The following TMCC3 variants were observed in gnomAD, a reference collection of about 807,000 sequenced individuals.
TMCC3 encodes the protein transmembrane and coiled-coil domain protein 3.
TMCC3 carries 28 observed loss-of-function variants against 40.2 expected under a neutral mutation model. That is an observed-to-expected ratio of 0.70 (90% CI 0.52 to 0.95). The LOEUF (loss-of-function observed/expected upper bound fraction) is 0.95, where lower values mean the gene tolerates loss of function less well. Among genes scored for constraint, TMCC3 ranks in the 40% least tolerant of loss-of-function variants. The probability of loss-of-function intolerance (pLI) is 0.00; values close to 1 mark genes in which losing one functional copy is unlikely to be tolerated. For synonymous variants in TMCC3, 255 were observed against 248.5 expected (o/e 1.03, Z -0.25); for missense variants, 554 against 615.2 (o/e 0.90, Z 1.05).
intron 1 of TMCC3, among the ~76,000 whole-genome samples, chr12:94,603,819 TGCAGGA>T (rs1215825802): frequency 6.6e-6 from 1 of 152,114 alleles, no homozygotes; most frequent in Non-Finnish European, 1.5e-5. Flanking sequence ...ATAACAAAAA[TGCAGGA>T]GCTGTCAAAA....
In TMCC3 at chr12:94,648,324, T is replaced by C. The variant is rs2069032095; in HGVS notation, c.78+2029A>G. On this transcript the variant is annotated intron_variant, in intron 1 of 3. Coordinates refer to ENST00000261226, the MANE Select transcript of TMCC3 (RefSeq NM_020698.4). ...TTCACTGCAACCTCCGCCTCCCGGG[T>C]TCAAGTGATTCTCCGCCTCACCCTC... 2.6e-5 allele frequency among the ~76,000 whole-genome samples: 4 copies of C among 152,152 alleles called. No homozygotes were observed. In the South Asian group the frequency reaches 8.3e-4, roughly 32 times the overall value.
intron 1 of TMCC3, among the ~76,000 whole-genome samples, chr12:94,624,385 T>A (rs1356776083): frequency 6.6e-6 from 1 of 152,146 alleles, no homozygotes; most frequent in Non-Finnish European, 1.5e-5. Flanking sequence ...AACCCAAATG[T>A]CCACCAAATG....
chr12:94,643,091 C>T (rs1213048224), intron 1 of TMCC3, among the ~76,000 whole-genome samples: 1 of 152,034 alleles, frequency 6.6e-6, no homozygotes, highest in East Asian at 1.9e-4. Flanking sequence ...ACTCGGGAGG[C>T]TGAGACAGGG....
intron 1 of TMCC3, among the ~76,000 whole-genome samples, chr12:94,648,487 A>C (rs1294838312): frequency 6.6e-6 from 1 of 152,140 alleles, no homozygotes; most frequent in Admixed American, 6.5e-5. Context: ...GGCCTCTCAA[A>C]GTGGTGGGAT....
intron 1 of TMCC3, among the ~76,000 whole-genome samples, chr12:94,627,280 T>C (rs1215318538): frequency 6.6e-6 from 1 of 152,128 alleles, no homozygotes; most frequent in African/African-American, 2.4e-5. Flanking sequence ...CCATGCTGCT[T>C]CCTCACTTCA....
intron 1 of TMCC3, among the ~76,000 whole-genome samples, chr12:94,601,160 T>C (rs1179322420): frequency 1.3e-5 from 2 of 152,244 alleles, no homozygotes; most frequent in African/African-American, 2.4e-5. Context: ...TTAGAAATTA[T>C]AATTACCTTT....
chr12:94,591,259 A>G (rs1230735087), intron 1 of TMCC3, among the ~76,000 whole-genome samples: 1 of 152,210 alleles, frequency 6.6e-6, no homozygotes, highest in Non-Finnish European at 1.5e-5. Flanking sequence ...CACTCCTGAA[A>G]TGAATTGATT....
intron 1 of TMCC3, among the ~76,000 whole-genome samples, chr12:94,630,821 C>G (rs137954945): frequency 6.6e-6 from 1 of 152,160 alleles, no homozygotes; most frequent in Non-Finnish European, 1.5e-5. Flanking sequence ...CTCCACCTCC[C>G]GGGTTCAAGC....
intron 1 of TMCC3, among the ~76,000 whole-genome samples, chr12:94,597,819 A>C (rs183957161): frequency 1.1e-3 from 173 of 152,182 alleles, no homozygotes; most frequent in Non-Finnish European, 2.0e-3. Context: ...AAAATAAATA[A>C]ATAAATAATA....
chr12:94,635,666 T>G (rs1387413670), intron 1 of TMCC3, among the ~76,000 whole-genome samples: 4 of 139,474 alleles, frequency 2.9e-5, no homozygotes, highest in Non-Finnish European at 6.2e-5. Flanking sequence ...GTGGGTTTTT[T>G]TTTTTTTTTT....
chr12:94,598,552 T>C, intron 1 of TMCC3: 1 of 983,670 alleles, frequency 1.0e-6, no homozygotes, highest in South Asian at 4.7e-5. Flanking sequence ...AATCCCAAGA[T>C]ACCTTGCATA....
At chr12:94,625,850 C>T (rs2068901858) in intron 1 of TMCC3, among the ~76,000 whole-genome samples, 2 of 152,112 alleles carry the variant, frequency 1.3e-5, no homozygotes, top group African/African-American at 4.8e-5. Context: ...TAAATTATTA[C>T]CTTTGTATTT....
intron 1 of TMCC3, among the ~76,000 whole-genome samples, chr12:94,637,005 T>C (rs1282938987): frequency 6.6e-6 from 1 of 152,142 alleles, no homozygotes; most frequent in Admixed American, 6.5e-5. Flanking sequence ...TTTTTTGAAG[T>C]TGCTCAGTTT....
rs542097521 is a variant in TMCC3, at chr12:94,590,532, C to T, written c.79-7994G>A. Among the ~76,000 whole-genome samples, 12 of 152,238 alleles carry T rather than the reference C, an allele frequency of 7.9e-5. No individual in the cohort carries two copies. The East Asian group carries it at 2.1e-3, about 27-fold the overall frequency. On this transcript the variant is annotated intron_variant, in intron 1 of 3. Coordinates refer to ENST00000261226, the MANE Select transcript of TMCC3 (RefSeq NM_020698.4). ...TAAAGGACCTCTGGAGAAAGAAGCCCTGTCCCTAAGGGCCTAGCAAGTGAG... is the reference window on the plus strand; with the variant it reads ...TAAAGGACCTCTGGAGAAAGAAGCCTTGTCCCTAAGGGCCTAGCAAGTGAG...
intron 1 of TMCC3, among the ~76,000 whole-genome samples, chr12:94,618,811 T>G: frequency 6.6e-6 from 1 of 152,212 alleles, no homozygotes; most frequent in East Asian, 1.9e-4. Context: ...CACTGACATA[T>G]AGAACCAAGA....
chr12:94,640,445 C>T (rs551068643), intron 1 of TMCC3, among the ~76,000 whole-genome samples: 1 of 152,282 alleles, frequency 6.6e-6, no homozygotes, highest in East Asian at 1.9e-4. Context: ...TGGCCTCCCA[C>T]AGTGCTGGGA....
At chr12:94,578,324 T>C in intron 3 of TMCC3, 70 bp downstream of exon 3, 1 of 1,551,216 alleles carries the variant, frequency 6.4e-7, no homozygotes, top group Non-Finnish European at 8.7e-7. Flanking sequence ...GGCATAAACA[T>C]TTAGACTGTT....
In TMCC3 at chr12:94,592,661, C is replaced by CAAAAAAAA. The variant is rs869058316; in HGVS notation, c.79-10131_79-10124dup. Among the ~76,000 whole-genome samples, 121 of 27,492 alleles carry CAAAAAAAA rather than the reference C, an allele frequency of 4.4e-3. 8 individuals are homozygous for CAAAAAAAA. The highest frequency in any genetic ancestry group is 0.028 in the Middle Eastern group (1 of 36). The allele number at this position is 27,492 out of a possible 152,430, so 18.0% of individuals were successfully genotyped here. On this transcript the variant is annotated intron_variant, in intron 1 of 3. Coordinates refer to ENST00000261226, the MANE Select transcript of TMCC3 (RefSeq NM_020698.4). Reference sequence around the variant, plus strand: ...TGAGCCTGGACAACAGGCTCCATCTCAAAAAAAAAAAAAAAAAAAAAATTC... The same window carrying CAAAAAAAA: ...TGAGCCTGGACAACAGGCTCCATCTCAAAAAAAAAAAAAAAAAAAAAAAAAAAAAATTC...
rs1228447016 is a variant in TMCC3 at position 94,568,529 on chromosome 12, G to A, written c.*2906C>T. ...AAGGGGTGGGGAAAGGATTATAGTT[G>A]ACACAAACATAAATTAAATATCCAA... On this transcript the variant is annotated 3_prime_UTR_variant, in exon 4 of 4. Coordinates refer to ENST00000261226, the MANE Select transcript of TMCC3 (RefSeq NM_020698.4). 1.3e-5 allele frequency: 2 copies of A among 152,134 alleles called. No individual in the cohort carries two copies. The allele number at this position is 152,134 out of a possible 1,614,324, so 9.4% of individuals were successfully genotyped here.
Sources: allele counts gnomAD v4.1 joint callset (sites outside exome capture counted in the v4.1 genomes callset), GRCh38; gene constraint gnomAD v4.1.1; transcripts MANE v1.5; gene names NCBI Gene and HGNC (gene_info 2026-07-23, HGNC 2026-07-21).